The following TTC24 variants were observed in gnomAD, a reference collection of about 807,000 sequenced individuals.
TTC24 encodes the protein tetratricopeptide repeat domain 24, also known as tetratricopeptide repeat protein 24.
In TTC24, 54 loss-of-function variants were observed where a neutral mutation model predicts 63.3. That is an observed-to-expected ratio of 0.85 (90% CI 0.69 to 1.07). The LOEUF (loss-of-function observed/expected upper bound fraction) is 1.07, where lower values mean the gene tolerates loss of function less well. TTC24 is among the 50% of genes least tolerant of loss of function. The probability of loss-of-function intolerance (pLI) is 0.00; values close to 1 mark genes in which losing one functional copy is unlikely to be tolerated. For missense variants in TTC24, 680 were observed against 730.5 expected, an observed-to-expected ratio of 0.93 and a Z score of 0.80; for synonymous variants, 276 against 304.3, an observed-to-expected ratio of 0.91 and a Z score of 0.97.
rs190409747 is a variant in TTC24 at position 156,583,176 on chromosome 1, C to A, written c.1039+6C>A. The stretch of plus-strand genomic sequence containing the variant: ...GCAGGCTGCCCGGGACTCTGGTAAG[C>A]GTGAGAGGGTTGGGATGTGACTGGG... On this transcript the variant is annotated splice_donor_region_variant and intron_variant, in intron 4 of 10. Transcript: ENST00000368236. This position sits in a 1 kb window ranked among gnomAD's most constrained non-coding sequence, Gnocchi z 4.0. 1.0e-4 allele frequency: 167 copies of A among 1,606,992 alleles called. No individual in the cohort carries two copies. In the East Asian group the frequency reaches 3.7e-3, roughly 36 times the overall value.
chr1:156,586,149 G>A (rs1271798823), intron 10 of TTC24, 104 bp downstream of exon 10: 5 of 903,080 alleles, frequency 5.5e-6, no homozygotes, highest in Admixed American at 4.4e-5. Flanking sequence ...GAAGTTGGGG[G>A]AAGCTGGGAT....
chr1:156,582,864 A>G (rs1177613906), intron 3 of TTC24, among the ~76,000 whole-genome samples, 178 bp from the exon 4 acceptor site: 1 of 152,194 alleles, frequency 6.6e-6, no homozygotes, highest in Non-Finnish European at 1.5e-5. Flanking sequence ...CACTCACACC[A>G]GAACTCAGGA....
Position 156,582,268 on chromosome 1 carries a change from G to T in TTC24, c.744G>T (p.Gln248His), listed in dbSNP as rs375900783. The part of the protein sequence containing the change: ...LYNDLGLGYS[Q>H]LQLFPLAVEA... ...ACGATCTAGGCCTGGGCTACTCCCA[G>T]CTCCAGCTGTTCCCGCTGGCCGTGG... The change falls in exon 3 of 11, where the codon CAG becomes CAT. Residue 248 changes from glutamine (Q) to histidine (H), a missense_variant. Gln to His is a conservative substitution (Grantham distance 24). Transcript: ENST00000368236. 3.2e-5 allele frequency: 50 copies of T among 1,555,376 alleles called. No homozygotes were observed. The African/African-American group carries it at 5.7e-4, about 18-fold the overall frequency.
At chr1:156,582,170 G>A (rs773766638) in intron 2 of TTC24, 61 bp from the exon 3 acceptor site, 145 of 1,494,844 alleles carry the variant, frequency 9.7e-5, no homozygotes, top group Non-Finnish European at 1.3e-4. Context: ...AGTCGATAGG[G>A]GCTGTACCAG....
At position 156,582,369 on chromosome 1, in the gene TTC24, C is replaced by A. The variant is rs1557956834; in HGVS notation, c.845C>A (p.Ala282Asp). 10 of 1,613,326 alleles carry A rather than the reference C, an allele frequency of 6.2e-6. No homozygotes were observed. The East Asian group carries it at 2.2e-4, about 36-fold the overall frequency. Residue 282 changes from alanine to aspartate, a missense_variant, in exon 3 of 11, where the codon GCC (alanine) becomes GAC (aspartate). Ala to Asp is a moderately radical substitution (Grantham distance 126). Transcript: ENST00000368236. ...ACAGTGCTAAGAAACCTCGGGATGGCCCACAATGCCCTCGGCAACTATCAG... is the reference window on the plus strand; with the variant it reads ...ACAGTGCTAAGAAACCTCGGGATGGACCACAATGCCCTCGGCAACTATCAG... ...QATVLRNLGMAHNALGNYQEA... is the reference protein window; with the variant it reads ...QATVLRNLGMDHNALGNYQEA...
In TTC24 at chr1:156,581,588, C is replaced by A. The variant is rs1441867183; in HGVS notation, c.224C>A (p.Thr75Asn). 10 of 1,551,734 alleles carry A rather than the reference C, an allele frequency of 6.4e-6. No homozygotes were observed. The highest frequency in any genetic ancestry group is 2.4e-5 in the East Asian group (1 of 40,922). Residue 75 changes from threonine to asparagine, a missense_variant, in exon 2 of 11, where the codon ACC (threonine) becomes AAC (asparagine). Coordinates refer to ENST00000368236, the MANE Select transcript of TTC24 (RefSeq NM_001105669.4). ...LASKAPQTRD[T>N]PVLQACAFNL... ...TCCAAGGCCCCACAAACCAGGGATA[C>A]CCCTGTGCTCCAGGCCTGCGCCTTC...
chr1:156,582,979 G>T, intron 3 of TTC24, 63 bp from the exon 4 acceptor site: 1 of 1,558,052 alleles, frequency 6.4e-7, no homozygotes, highest in Non-Finnish European at 8.7e-7. Context: ...TTGCTGGAGG[G>T]TGGGGTCCTG....
rs1311179151 is a variant in TTC24 at position 156,585,115 on chromosome 1, G to T, written c.1350-10G>T. 6.2e-7 allele frequency: 1 copy of T among 1,605,358 alleles called. No homozygotes were observed. Among genetic ancestry groups the T allele is most frequent in the Non-Finnish European group, 8.5e-7 (1 of 1,175,090 alleles). On this transcript the variant is annotated splice_polypyrimidine_tract_variant and intron_variant, in intron 7 of 10. Coordinates refer to ENST00000368236, the MANE Select transcript of TTC24 (RefSeq NM_001105669.4). ...CTGCCAAGCTGTGCCCTGGTTCCTTGCCCCTACAGATCTTCCAGTGGGTGG... is the reference window on the plus strand; with the variant it reads ...CTGCCAAGCTGTGCCCTGGTTCCTTTCCCCTACAGATCTTCCAGTGGGTGG...
rs968770313 is a variant in TTC24 at position 156,582,149 on chromosome 1, A to T, written c.706+79A>T. The T allele has an allele frequency of 8.2e-6, 12 of 1,463,672 alleles. No homozygotes were observed. In the Admixed American group the frequency reaches 3.2e-4, roughly 39 times the overall value. The allele number at this position is 1,463,672 out of a possible 1,614,324, so 90.7% of individuals were successfully genotyped here. On this transcript the variant is annotated intron_variant, in intron 2 of 10. Coordinates refer to ENST00000368236, the MANE Select transcript of TTC24 (RefSeq NM_001105669.4). ...GATACTCAGAGGGCTGGGTTTGGGG[A>T]ACCCTGGAGGAGTCGATAGGGGCTG...
Position 156,583,273 on chromosome 1 carries a change from T to G in TTC24, c.1040-65T>G. The stretch of plus-strand genomic sequence containing the variant: ...GGGGGAACTGAGGGTAGGGAGTGCC[T>G]CTGAGGGGGTGGATCAGTGGGGTAG... On this transcript the variant is annotated intron_variant, in intron 4 of 10. Coordinates refer to ENST00000368236, the MANE Select transcript of TTC24 (RefSeq NM_001105669.4). The surrounding 1 kb of genome is among the most constrained non-coding windows in gnomAD (Gnocchi z 4.0). 3 of 1,606,834 alleles carry G rather than the reference T, an allele frequency of 1.9e-6. No homozygotes were observed. Among genetic ancestry groups the G allele is most frequent in the Non-Finnish European group, 1.7e-6 (2 of 1,176,430 alleles).
rs151309929 is a variant in TTC24 at position 156,586,300 on chromosome 1, G to T, written c.1668-169G>T. Among the ~76,000 whole-genome samples the T allele has an allele frequency of 6.6e-5, 10 of 152,212 alleles. No individual in the cohort carries two copies. The East Asian group carries it at 1.9e-3, about 29-fold the overall frequency. ...ATGGTAGGCCTCAGTGAAAGACAGG[G>T]TGCTGCAGGATGGGGGGATATGAAG... On this transcript the variant is annotated intron_variant, in intron 10 of 10. Transcript: ENST00000368236.
intron 6 of TTC24, among the ~76,000 whole-genome samples, chr1:156,584,191 A>T (rs1422870015): frequency 6.6e-6 from 1 of 152,186 alleles, no homozygotes; most frequent in African/African-American, 2.4e-5. Context: ...CAAGTCCTTG[A>T]CTGCAGTTCC....
intron 6 of TTC24, chr1:156,584,454 A>T (rs1358045318): frequency 6.0e-6 from 1 of 166,098 alleles, no homozygotes. Context: ...ATTTATATGT[A>T]TTTAATAGGT....
At chr1:156,580,330 C>T (rs1410648360) in intron 1 of TTC24, among the ~76,000 whole-genome samples, 1 of 152,160 alleles carries the variant, frequency 6.6e-6, no homozygotes, top group African/African-American at 2.4e-5. Context: ...ATAGCAGGGG[C>T]TCACTGAGTG....
Position 156,582,723 on chromosome 1 carries a change from GT to G in TTC24, c.910+292del, listed in dbSNP as rs139695480. ...GCGGAGTCCAGCCCCTCTGCTGATT[GT>G]TTGTGTGACATTGAGGAACCACTTT... On this transcript the variant is annotated intron_variant, in intron 3 of 10. Coordinates refer to ENST00000368236, the MANE Select transcript of TTC24 (RefSeq NM_001105669.4). Among the ~76,000 whole-genome samples the G allele has an allele frequency of 9.1e-3, 1,381 of 152,320 alleles. 9 individuals are homozygous for G. The highest frequency in any genetic ancestry group is 0.021 in the South Asian group (102 of 4,830).
intron 7 of TTC24, 59 bp from the exon 8 acceptor site, chr1:156,585,066 A>C: frequency 6.5e-7 from 1 of 1,550,342 alleles, no homozygotes; most frequent in Admixed American, 1.8e-5. Flanking sequence ...GTGTATCCCC[A>C]GGAAGGAGGG....
chr1:156,585,545 C>G, intron 8 of TTC24, 168 bp from the exon 9 acceptor site: 6 of 627,674 alleles, frequency 9.6e-6, no homozygotes, highest in Non-Finnish European at 1.7e-5. Flanking sequence ...CATCTTGGAC[C>G]CCAGGGTTTT....
chr1:156,585,924 A>C (rs764746177), intron 9 of TTC24, 25 bp from the exon 10 acceptor site: 1 of 1,600,906 alleles, frequency 6.2e-7, no homozygotes, highest in Non-Finnish European at 8.5e-7. Flanking sequence ...GCACGTGATG[A>C]ATGTGTCTGT....
intron 10 of TTC24, among the ~76,000 whole-genome samples, 157 bp from the exon 11 acceptor site, chr1:156,586,312 G>C (rs565034519): frequency 2.0e-5 from 3 of 152,078 alleles, no homozygotes; most frequent in Non-Finnish European, 4.4e-5. Flanking sequence ...GCTGCAGGAT[G>C]GGGGGATATG....
Sources: gnomAD v4.1 joint callset for allele counts (sites outside exome capture counted in the v4.1 genomes callset) on GRCh38, gnomAD v4.1.1 for gene constraint, Gnocchi (gnomAD v3.1) non-coding constraint, MANE v1.5 for transcripts, NCBI Gene and HGNC (gene_info 2026-07-23, HGNC 2026-07-21) for gene names.